SUGCT: variants seen among roughly 807,000 people sequenced by gnomAD.
SUGCT encodes the protein succinyl-CoA:glutarate CoA-transferase.
SUGCT carries 41 observed loss-of-function variants against 55.0 expected under a neutral mutation model. The ratio of observed to expected loss-of-function variants is 0.74; its 90% CI spans 0.58 to 0.97. The LOEUF is 0.97. SUGCT is among the 50% of genes least tolerant of loss of function. The probability of loss-of-function intolerance (pLI) is 0.00; values close to 1 mark genes in which losing one functional copy is unlikely to be tolerated. For synonymous variants in SUGCT, 187 were observed against 200.4 expected (o/e 0.93, Z 0.56); for missense variants, 568 against 547.8 (o/e 1.04, Z -0.37).
Position 40,238,714 on chromosome 7 carries a change from A to G in SUGCT, c.576+988A>G, listed in dbSNP as rs150928278. On this transcript the variant is annotated intron_variant, in intron 7 of 13. Coordinates refer to ENST00000335693, the MANE Select transcript of SUGCT (RefSeq NM_001193313.2). ...CTCATGATGAGATTTACTTTTTATT[A>G]ATTTCAAAGCAACTGTTGGGGTTTT... Among the ~76,000 whole-genome samples, 32 of 151,994 alleles carry G rather than the reference A, an allele frequency of 2.1e-4. 1 individual carries two copies. In the East Asian group the frequency reaches 6.0e-3, roughly 28 times the overall value.
chr7:40,448,847 A>G (rs901280546), intron 9 of SUGCT, among the ~76,000 whole-genome samples: 10 of 151,838 alleles, frequency 6.6e-5, no homozygotes, highest in Non-Finnish European at 2.9e-5. Flanking sequence ...AGACCCTGTC[A>G]CCAAATACAT....
intron 12 of SUGCT, among the ~76,000 whole-genome samples, chr7:40,640,504 G>C (rs1800222772): frequency 6.6e-6 from 1 of 152,204 alleles, no homozygotes; most frequent in African/African-American, 2.4e-5. Flanking sequence ...AGCCACAGCT[G>C]TCCTGAGAGG....
chr7:40,523,512 C>T (rs556089224), intron 12 of SUGCT, among the ~76,000 whole-genome samples: 1 of 152,124 alleles, frequency 6.6e-6, no homozygotes, highest in South Asian at 2.1e-4. Context: ...GAAAAAACTT[C>T]CACATAGTGG....
At chr7:40,268,783 C>A (rs547268287) in intron 7 of SUGCT, among the ~76,000 whole-genome samples, 3 of 152,050 alleles carry the variant, frequency 2.0e-5, no homozygotes, top group Non-Finnish European at 4.4e-5. Context: ...GGATTACAGG[C>A]GTGCACCACC....
At chr7:40,147,545 C>T (rs1360313745) in intron 1 of SUGCT, among the ~76,000 whole-genome samples, 3 of 152,206 alleles carry the variant, frequency 2.0e-5, no homozygotes, top group African/African-American at 7.2e-5. Context: ...CAGCTTTTTC[C>T]TTAGTCCCGA....
At chr7:40,771,421 T>C (rs1363293101) in intron 13 of SUGCT, among the ~76,000 whole-genome samples, 3 of 152,138 alleles carry the variant, frequency 2.0e-5, no homozygotes, top group Non-Finnish European at 4.4e-5. Context: ...CAATTTATTT[T>C]CTAGCATTTT....
At chr7:40,411,325 G>A (rs1028061246) in intron 9 of SUGCT, among the ~76,000 whole-genome samples, 4 of 152,176 alleles carry the variant, frequency 2.6e-5, no homozygotes, top group East Asian at 3.9e-4. Flanking sequence ...CCTGGGCAGC[G>A]GAGGCTGCAG....
At chr7:40,757,534 A>T (rs1788318732) in intron 13 of SUGCT, among the ~76,000 whole-genome samples, 1 of 152,196 alleles carries the variant, frequency 6.6e-6, no homozygotes, top group Non-Finnish European at 1.5e-5. Flanking sequence ...GCCCTAAGTT[A>T]TCAATGAATT....
At chr7:40,560,727 G>C (rs905681772) in intron 12 of SUGCT, among the ~76,000 whole-genome samples, 1 of 152,146 alleles carries the variant, frequency 6.6e-6, no homozygotes, top group African/African-American at 2.4e-5. Context: ...AACTTGCATG[G>C]TAAAAGTTTG....
chr7:40,395,774 T>A (rs755453717), intron 9 of SUGCT, among the ~76,000 whole-genome samples: 4 of 152,138 alleles, frequency 2.6e-5, no homozygotes, highest in Non-Finnish European at 5.9e-5. Flanking sequence ...TGTTCTGAGT[T>A]GCTTAACAAT....
At chr7:40,407,563 A>C (rs1445862514) in intron 9 of SUGCT, among the ~76,000 whole-genome samples, 1 of 151,810 alleles carries the variant, frequency 6.6e-6, no homozygotes, top group African/African-American at 2.4e-5. Flanking sequence ...AGATCATGCC[A>C]AAAAAAAGAG....
intron 12 of SUGCT, among the ~76,000 whole-genome samples, chr7:40,737,172 G>A (rs987444635): frequency 6.6e-6 from 1 of 152,142 alleles, no homozygotes; most frequent in African/African-American, 2.4e-5. Context: ...ACACAGCACA[G>A]AGTGTCCTCA....
At chr7:40,924,233 C>A in the SUGCT span, among the ~76,000 whole-genome samples, 1 of 150,604 alleles carries the variant, frequency 6.6e-6, no homozygotes, top group Non-Finnish European at 1.5e-5. Context: ...GACATTTTAT[C>A]TTCAGCCAAG....
chr7:40,740,476 A>G (rs1787401753), intron 12 of SUGCT, among the ~76,000 whole-genome samples: 1 of 150,922 alleles, frequency 6.6e-6, no homozygotes, highest in Non-Finnish European at 1.5e-5. Flanking sequence ...TAGAACTTCT[A>G]GTAATAAGTC....
intron 8 of SUGCT, among the ~76,000 whole-genome samples, chr7:40,313,884 T>G (rs4236365): frequency 0.99 from 151,388 of 152,194 alleles, 75,295 homozygotes; most frequent in East Asian, 1. Flanking sequence ...GAGCCACTGC[T>G]CCTGGCCCAC....
At chr7:40,590,620 GTTGGAAGAAGATATCA>G (rs1347579111) in intron 12 of SUGCT, among the ~76,000 whole-genome samples, 1 of 152,214 alleles carries the variant, frequency 6.6e-6, no homozygotes, top group Non-Finnish European at 1.5e-5. Flanking sequence ...GTAGCCTTCT[GTTGGAAGAAGATATCA>G]TCTGGACTGT....
At chr7:40,875,559 T>C in the SUGCT span, among the ~76,000 whole-genome samples, 2 of 152,318 alleles carry the variant, frequency 1.3e-5, no homozygotes, top group Admixed American at 1.3e-4. Context: ...AGACAGCCAC[T>C]AGAAATCAAC....
intron 9 of SUGCT, among the ~76,000 whole-genome samples, chr7:40,348,349 G>A (rs192803039): frequency 6.6e-6 from 1 of 152,350 alleles, no homozygotes; most frequent in Admixed American, 6.5e-5. Flanking sequence ...ACCAGGGTCT[G>A]TGAAATGGTA....
chr7:40,195,391 T>G (rs1319208066), intron 6 of SUGCT, among the ~76,000 whole-genome samples: 1 of 151,728 alleles, frequency 6.6e-6, no homozygotes, highest in Non-Finnish European at 1.5e-5. Flanking sequence ...CCCAGCTAAT[T>G]TTTGTATTTT....
Sources: allele counts gnomAD v4.1 joint callset (sites outside exome capture counted in the v4.1 genomes callset), GRCh38; gene constraint gnomAD v4.1.1; transcripts MANE v1.5; gene names NCBI Gene and HGNC (gene_info 2026-07-23, HGNC 2026-07-21).